TRIM35: variants seen among roughly 807,000 people sequenced by gnomAD.
TRIM35 encodes the protein tripartite motif containing 35, also known as E3 ubiquitin-protein ligase TRIM35.
In TRIM35, 37 loss-of-function variants were observed where a neutral mutation model predicts 49.1. The ratio of observed to expected loss-of-function variants is 0.75; its 90% CI spans 0.58 to 0.99. TRIM35 has a LOEUF of 0.99. TRIM35 is among the 50% of genes least tolerant of loss of function. The pLI is 0.00. For synonymous variants in TRIM35, 302 were observed against 289.3 expected (o/e 1.04, Z -0.45); for missense variants, 648 against 702.7 (o/e 0.92, Z 0.88).
chr8:27,303,695 TA>T (rs1802724972), intron 1 of TRIM35, among the ~76,000 whole-genome samples: 1 of 152,204 alleles, frequency 6.6e-6, no homozygotes, highest in Non-Finnish European at 1.5e-5. Context: ...ATTTATTTTA[TA>T]TTTTTTACTT....
At chr8:27,297,342 A>G (rs1802590322) in intron 2 of TRIM35, among the ~76,000 whole-genome samples, 1 of 152,262 alleles carries the variant, frequency 6.6e-6, no homozygotes, top group South Asian at 2.1e-4. Context: ...AGAAAGCCAA[A>G]GACCAGAGCC....
At position 27,311,165 on chromosome 8, in the gene TRIM35, C is replaced by A. The variant is rs886527588; in HGVS notation, c.71G>T (p.Cys24Phe). The A allele has an allele frequency of 3.7e-6, 6 of 1,607,076 alleles. No homozygotes were observed. In the African/African-American group the frequency reaches 8.0e-5, roughly 21 times the overall value. The stretch of plus-strand genomic sequence containing the variant: ...GACTGCGTCGCGGAAGGGGTCGTAG[C>A]AGACGGCGCAGAGCAACTCCTCCTT... Reference protein sequence around the residue: ...SFKEELLCAVCYDPFRDAVTL... With the variant: ...SFKEELLCAVFYDPFRDAVTL... Residue 24 changes from cysteine to phenylalanine, a missense_variant, in exon 1 of 6, where the codon TGC becomes TTC. Physicochemically the swap from Cys to Phe is radical, Grantham distance 205 (BLOSUM62 -2). Coordinates refer to ENST00000305364, the MANE Select transcript of TRIM35 (RefSeq NM_171982.5).
At chr8:27,289,360 A>G in intron 4 of TRIM35, 80 bp from the exon 5 acceptor site, 1 of 1,165,930 alleles carries the variant, frequency 8.6e-7, no homozygotes, top group Non-Finnish European at 1.3e-6. Flanking sequence ...GAAACCAGCA[A>G]CAGGACTTGT....
At chr8:27,293,998 G>A (rs1414712926) in intron 3 of TRIM35, 82 bp downstream of exon 3, 1 of 1,385,984 alleles carries the variant, frequency 7.2e-7, no homozygotes, top group African/African-American at 1.4e-5. Context: ...AGATGACGTT[G>A]GCCAGGGCTG....
At chr8:27,296,130 G>A (rs1262538842) in intron 2 of TRIM35, among the ~76,000 whole-genome samples, 1 of 151,068 alleles carries the variant, frequency 6.6e-6, no homozygotes. Flanking sequence ...CTGCATTGGA[G>A]AGAGTAGAAT....
chr8:27,287,939 G>A lies in TRIM35; in HGVS notation c.1093C>T (p.Leu365=), dbSNP rs1477580384. Residue 365 remains leucine, a synonymous_variant, in exon 6 of 6, where the codon CTG becomes TTG. Coordinates refer to ENST00000305364, the MANE Select transcript of TRIM35 (RefSeq NM_171982.5). The surrounding 1 kb of genome is among the most constrained non-coding windows in gnomAD (Gnocchi z 6.0). ...ACCACGCCCACCCTCCAGCTCTGCA[G>A]CCCCCCAAGGGCCACCTCCCAGGCG... ...SHAWEVALGG[L]QSWRVGVVRV... The A allele has an allele frequency of 1.2e-6, 2 of 1,612,882 alleles. No homozygotes were observed. Among genetic ancestry groups the A allele is most frequent in the African/African-American group, 2.7e-5 (2 of 74,910 alleles).
chr8:27,290,490 T>C (rs956858645), intron 3 of TRIM35, among the ~76,000 whole-genome samples: 7 of 152,218 alleles, frequency 4.6e-5, no homozygotes, highest in African/African-American at 1.7e-4. Context: ...ACTGGGTTGC[T>C]ATAAAGCAAT....
In TRIM35 at chr8:27,295,778, T is replaced by C. The variant is rs561504366; in HGVS notation, c.532-1468A>G. Among the ~76,000 whole-genome samples, 16 of 152,186 alleles carry C rather than the reference T, an allele frequency of 1.1e-4. 1 individual carries two copies. The highest frequency in any genetic ancestry group is 2.4e-4 in the Non-Finnish European group (16 of 68,038). ...TCATAAGCCAGGGACTGTGTGTATG[T>C]TTACAGCTCTGAAAATATACGAAAA... On this transcript the variant is annotated intron_variant, in intron 2 of 5. Coordinates refer to ENST00000305364, the MANE Select transcript of TRIM35 (RefSeq NM_171982.5).
chr8:27,287,808 GT>G lies in TRIM35; in HGVS notation c.1223del (p.Asp408AlafsTer4). On this transcript the variant is annotated frameshift_variant, in exon 6 of 6. Coordinates refer to ENST00000305364, the MANE Select transcript of TRIM35 (RefSeq NM_171982.5). LOFTEE classifies it high-confidence loss of function. The surrounding 1 kb of genome is among the most constrained non-coding windows in gnomAD (Gnocchi z 6.0). ...YVCRTQGVEGDHCVTSDPATS... is the reference protein window; with the variant it reads ...YVCRTQGVEGXHCVTSDPATS... ...TGGCTGGGTCCGAGGTCACGCAGTG[GT>G]CCCCCTCCACGCCCTGCGTGCGGCA... The G allele has an allele frequency of 1.2e-6, 2 of 1,611,210 alleles. No homozygotes were observed. Among genetic ancestry groups the G allele is most frequent in the Middle Eastern group, 1.7e-4 (1 of 6,060 alleles).
At chr8:27,304,898 C>T (rs1454373152) in intron 1 of TRIM35, 1 of 418,148 alleles carries the variant, frequency 2.4e-6, no homozygotes, top group Non-Finnish European at 4.7e-6. Context: ...AGAGAAGTCT[C>T]TACAGTCTCC....
chr8:27,293,612 G>A (rs1485799096), intron 3 of TRIM35, among the ~76,000 whole-genome samples: 1 of 152,110 alleles, frequency 6.6e-6, no homozygotes, highest in African/African-American at 2.4e-5. Context: ...GGCCAAGGTG[G>A]AAGCATCACT....
Position 27,287,279 on chromosome 8 carries a change from G to A in TRIM35, c.*271C>T. The A allele has an allele frequency of 2.2e-6, 1 of 462,066 alleles. No individual in the cohort carries two copies. Among genetic ancestry groups the A allele is most frequent in the Non-Finnish European group, 3.9e-6 (1 of 259,170 alleles). 28.6% of individuals were successfully genotyped at this position (462,066 alleles called of 1,614,324 possible). On this transcript the variant is annotated 3_prime_UTR_variant, in exon 6 of 6. Coordinates refer to ENST00000305364, the MANE Select transcript of TRIM35 (RefSeq NM_171982.5). This position sits in a 1 kb window ranked among gnomAD's most constrained non-coding sequence, Gnocchi z 6.0. Reference sequence around the variant, plus strand: ...CATTATTCCCAGAAATCCTGGAATAGGGATTCAGAAAATTCACATTGTGGA... The same window carrying A: ...CATTATTCCCAGAAATCCTGGAATAAGGATTCAGAAAATTCACATTGTGGA...
chr8:27,311,038 G>C lies in TRIM35; in HGVS notation c.198C>G (p.Pro66=), dbSNP rs1199350420. 1 of 1,602,532 alleles carries C rather than the reference G, an allele frequency of 6.2e-7. No homozygotes were observed. The highest frequency in any genetic ancestry group is 1.7e-5 in the Admixed American group (1 of 58,072). ...TCPVCKDRAS[P]ADLRTNHTLN... ...GGGTGTGGTTGGTGCGCAGGTCGGC[G>C]GGTGACGCGCGGTCTTTGCACACTG... is the stretch of plus-strand genomic sequence containing the variant. The change falls in exon 1 of 6, where the codon CCC becomes CCG. Residue 66 remains proline (P), a synonymous_variant. Transcript: ENST00000305364.
chr8:27,304,261 T>A (rs780018415), intron 1 of TRIM35, among the ~76,000 whole-genome samples: 56 of 152,228 alleles, frequency 3.7e-4, no homozygotes, highest in Non-Finnish European at 7.3e-4. Flanking sequence ...CACAAGGTCT[T>A]CATAGCCTCT....
chr8:27,302,159 G>A (rs1425563567), intron 1 of TRIM35, among the ~76,000 whole-genome samples: 1 of 152,178 alleles, frequency 6.6e-6, no homozygotes, highest in Non-Finnish European at 1.5e-5. Flanking sequence ...TTTAGAATCT[G>A]TGAAGTTGCA....
chr8:27,309,998 CAA>C (rs1802882152), intron 1 of TRIM35, among the ~76,000 whole-genome samples: 2 of 141,030 alleles, frequency 1.4e-5, no homozygotes. Flanking sequence ...AAAAAAAAAA[CAA>C]AGGGAAGTAA....
chr8:27,308,869 C>T lies in TRIM35; in HGVS notation c.435+1932G>A, dbSNP rs557900471. ...CACAGCAAGGGTGAGCCACCGGCCTCCTGGATCCTCCTGCACGTCCCTCCT... is the reference window on the plus strand; with the variant it reads ...CACAGCAAGGGTGAGCCACCGGCCTTCTGGATCCTCCTGCACGTCCCTCCT... On this transcript the variant is annotated intron_variant, in intron 1 of 5. Coordinates refer to ENST00000305364, the MANE Select transcript of TRIM35 (RefSeq NM_171982.5). Among the ~76,000 whole-genome samples, 65 of 152,306 alleles carry T rather than the reference C, an allele frequency of 4.3e-4. No homozygotes were observed. In the South Asian group the frequency reaches 0.013, roughly 31 times the overall value.
At position 27,285,688 on chromosome 8, in the gene TRIM35, A is replaced by T. The variant is rs972553185; in HGVS notation, c.*1862T>A. The T allele has an allele frequency of 1.4e-5, 2 of 145,256 alleles. No individual in the cohort carries two copies. Among genetic ancestry groups the T allele is most frequent in the African/African-American group, 5.0e-5 (2 of 40,038 alleles). The allele number at this position is 145,256 out of a possible 1,614,324, so 9.0% of individuals were successfully genotyped here. A position where few individuals can be genotyped will look rare whatever the true frequency, so the allele number is the denominator to read the frequency against. On this transcript the variant is annotated 3_prime_UTR_variant, in exon 6 of 6. Transcript: ENST00000305364. ...TGTTAAAAAAAAAAAAAAAAAAAAA[A>T]CTCTTCCCATATCTAAGGTGAAAAT... is the stretch of plus-strand genomic sequence containing the variant.
At chr8:27,309,924 G>A (rs904999451) in intron 1 of TRIM35, among the ~76,000 whole-genome samples, 10 of 151,652 alleles carry the variant, frequency 6.6e-5, no homozygotes, top group Non-Finnish European at 1.2e-4. Flanking sequence ...CCCAGGAGGC[G>A]GAGGTTGCAG....
Sources: gnomAD v4.1 joint callset for allele counts (sites outside exome capture counted in the v4.1 genomes callset) on GRCh38, gnomAD v4.1.1 for gene constraint, Gnocchi (gnomAD v3.1) non-coding constraint, MANE v1.5 for transcripts, NCBI Gene and HGNC (gene_info 2026-07-23, HGNC 2026-07-21) for gene names.